The following UBASH3B variants were observed in gnomAD, a reference collection of about 807,000 sequenced individuals.
The protein encoded by UBASH3B is ubiquitin associated and SH3 domain containing B.
UBASH3B carries 37 observed loss-of-function variants against 83.4 expected under a neutral mutation model. The observed-to-expected ratio is 0.44, with a 90% CI of 0.34 to 0.58. The LOEUF (loss-of-function observed/expected upper bound fraction) is 0.58. Ranked by LOEUF, UBASH3B falls within the 20% of genes least tolerant of loss-of-function variation. The pLI is 0.01. For synonymous variants in UBASH3B, 304 were observed against 318.3 expected (o/e 0.96, Z 0.48); for missense variants, 657 against 827.2 (o/e 0.79, Z 2.52).
chr11:122,683,743 TTGTGTGTGTGTG>T (rs57305276), intron 1 of UBASH3B, among the ~76,000 whole-genome samples: 4 of 99,114 alleles, frequency 4.0e-5, no homozygotes, highest in Middle Eastern at 6.7e-3. Context: ...TAAAAAAAAA[TTGTGTGTGTGTG>T]TGTGTGTGTG....
At position 122,796,179 on chromosome 11, in the gene UBASH3B, C is replaced by T. The variant is rs750344631; in HGVS notation, c.1137C>T (p.Pro379=). 9.9e-6 allele frequency: 16 copies of T among 1,613,928 alleles called. No homozygotes were observed. Among genetic ancestry groups the T allele is most frequent in the Middle Eastern group, 1.6e-4 (1 of 6,084 alleles). The change falls in exon 8 of 14, where the codon CCC becomes CCT. Residue 379 remains proline, a synonymous_variant. Coordinates refer to ENST00000284273, the MANE Select transcript of UBASH3B (RefSeq NM_032873.5). The stretch of plus-strand genomic sequence containing the variant: ...AGCCGCTGAGGGTCAACAGCCAGCC[C>T]GGCCCCCAGAAGCGATGCCTTTTTG... ...PMQPLRVNSQ[P]GPQKRCLFVC...
chr11:122,733,849 C>T (rs1325777878), intron 1 of UBASH3B, among the ~76,000 whole-genome samples: 1 of 152,136 alleles, frequency 6.6e-6, no homozygotes, highest in Non-Finnish European at 1.5e-5. Context: ...GAATTTACAG[C>T]AGATTTGAGC....
intron 1 of UBASH3B, among the ~76,000 whole-genome samples, chr11:122,731,383 A>G (rs1395606147): frequency 6.6e-6 from 1 of 152,180 alleles, no homozygotes; most frequent in African/African-American, 2.4e-5. Context: ...ACTTAAATGG[A>G]GAACTTTACG....
chr11:122,684,128 G>A (rs1156390707), intron 1 of UBASH3B, among the ~76,000 whole-genome samples: 1 of 152,206 alleles, frequency 6.6e-6, no homozygotes, highest in Non-Finnish European at 1.5e-5. Context: ...CTGAAGAATA[G>A]AATGAGATGA....
At chr11:122,667,147 G>A (rs923831606) in intron 1 of UBASH3B, among the ~76,000 whole-genome samples, 3 of 147,214 alleles carry the variant, frequency 2.0e-5, no homozygotes, top group Non-Finnish European at 4.4e-5. Flanking sequence ...GGGTTCAAGC[G>A]ATTCTCCTGC....
chr11:122,672,248 T>C (rs1296503905), intron 1 of UBASH3B, among the ~76,000 whole-genome samples: 1 of 151,842 alleles, frequency 6.6e-6, no homozygotes, highest in Non-Finnish European at 1.5e-5. Context: ...TAATGTGGTA[T>C]GATGGAGAGG....
chr11:122,785,115 T>C (rs1051549783), intron 5 of UBASH3B, among the ~76,000 whole-genome samples: 1 of 152,162 alleles, frequency 6.6e-6, no homozygotes, highest in Non-Finnish European at 1.5e-5. Context: ...ACTCAAAGGG[T>C]AATTGCTTTT....
At chr11:122,678,268 T>C (rs573740245) in intron 1 of UBASH3B, among the ~76,000 whole-genome samples, 2 of 152,302 alleles carry the variant, frequency 1.3e-5, no homozygotes, top group East Asian at 3.9e-4. Flanking sequence ...TGTGACTGAA[T>C]GGTGGGAATT....
At chr11:122,790,991 A>C (rs975449282) in intron 6 of UBASH3B, among the ~76,000 whole-genome samples, 23 of 151,716 alleles carry the variant, frequency 1.5e-4, no homozygotes, top group African/African-American at 4.8e-4. Flanking sequence ...AGCAGTGCTG[A>C]TCTCTTAGAG....
In UBASH3B at chr11:122,759,767, C is replaced by T. The variant is rs1161572719; in HGVS notation, c.162-16452C>T. 6.6e-6 allele frequency among the ~76,000 whole-genome samples: 1 copy of T among 152,228 alleles called. No homozygotes were observed. Among genetic ancestry groups the T allele is most frequent in the Non-Finnish European group, 1.5e-5 (1 of 68,048 alleles). ...GAGGCAGAGCTCAGGCAGTAATGCT[C>T]ACTCGCCTGCCTGCCTGCTGTGCAG... On this transcript the variant is annotated intron_variant, in intron 1 of 13. Transcript: ENST00000284273. This position sits in a 1 kb window ranked among gnomAD's most constrained non-coding sequence, Gnocchi z 4.1.
rs1014828827 is a variant in UBASH3B at position 122,806,911 on chromosome 11, A to G, written c.1702+395A>G. 6.6e-6 allele frequency among the ~76,000 whole-genome samples: 1 copy of G among 152,192 alleles called. No homozygotes were observed. The highest frequency in any genetic ancestry group is 6.6e-5 in the Admixed American group (1 of 15,264). On this transcript the variant is annotated intron_variant, in intron 12 of 13. Coordinates refer to ENST00000284273, the MANE Select transcript of UBASH3B (RefSeq NM_032873.5). This position sits in a 1 kb window ranked among gnomAD's most constrained non-coding sequence, Gnocchi z 4.0. The stretch of plus-strand genomic sequence containing the variant: ...TACACCTTCCCTGCTATCACCAACC[A>G]AGAGCAGTGTTGTATAAGGCTCAAG...
intron 4 of UBASH3B, among the ~76,000 whole-genome samples, chr11:122,781,896 G>T (rs1272659702): frequency 6.6e-6 from 1 of 152,200 alleles, no homozygotes; most frequent in Non-Finnish European, 1.5e-5. Context: ...TTACACCAAA[G>T]AAAGGCAATG....
At chr11:122,667,566 T>C (rs1863536620) in intron 1 of UBASH3B, among the ~76,000 whole-genome samples, 1 of 152,046 alleles carries the variant, frequency 6.6e-6, no homozygotes, top group African/African-American at 2.4e-5. Context: ...GACACATCAG[T>C]GTGGGAGGGT....
chr11:122,780,474 G>A lies in UBASH3B; in HGVS notation c.601+779G>A, dbSNP rs867820222. 1.1e-4 allele frequency among the ~76,000 whole-genome samples: 16 copies of A among 152,356 alleles called. No homozygotes were observed. In the Middle Eastern group the frequency reaches 0.014, roughly 130 times the overall value. ...GGAAACAGACAGACAATCTGGTGGG[G>A]GGAGAGCCTCTTGGCTCGCTCCAGC... On this transcript the variant is annotated intron_variant, in intron 4 of 13. Transcript: ENST00000284273.
At position 122,777,052 on chromosome 11, in the gene UBASH3B, C is replaced by A. The variant is rs747187434; in HGVS notation, c.244C>A (p.Leu82Met). 1.9e-6 allele frequency: 3 copies of A among 1,612,628 alleles called. No individual in the cohort carries two copies. The Admixed American group carries it at 5.0e-5, about 27-fold the overall frequency. ...WLFSHVGDPF[L>M]DDPLPREYVL... ...ATTCTCCCATGTCGGTGACCCCTTCCTGGATGACCCCCTGCCCCGGGAGTA... is the reference window on the plus strand; with the variant it reads ...ATTCTCCCATGTCGGTGACCCCTTCATGGATGACCCCCTGCCCCGGGAGTA... Residue 82 changes from leucine (L) to methionine (M), a missense_variant, in exon 3 of 14, where the codon CTG (leucine) becomes ATG (methionine). Transcript: ENST00000284273.
chr11:122,750,721 T>C (rs1861186330), intron 1 of UBASH3B, among the ~76,000 whole-genome samples: 1 of 152,148 alleles, frequency 6.6e-6, no homozygotes, highest in African/African-American at 2.4e-5. Context: ...AGAGTGACGA[T>C]CCTGATTGCT....
chr11:122,747,845 G>A (rs1861143499), intron 1 of UBASH3B, among the ~76,000 whole-genome samples: 1 of 152,202 alleles, frequency 6.6e-6, no homozygotes, highest in South Asian at 2.1e-4. Flanking sequence ...TGTGACCTAA[G>A]ATCCATATAT....
intron 11 of UBASH3B, among the ~76,000 whole-genome samples, chr11:122,802,029 T>C (rs1861265944): frequency 6.6e-6 from 1 of 152,128 alleles, no homozygotes; most frequent in Admixed American, 6.5e-5. Flanking sequence ...TAAGAATTAA[T>C]AATAGGGCTG....
chr11:122,768,103 G>T (rs1472240156), intron 1 of UBASH3B, among the ~76,000 whole-genome samples: 1 of 152,112 alleles, frequency 6.6e-6, no homozygotes, highest in African/African-American at 2.4e-5. Context: ...TTGCTATCTG[G>T]GACGATTTTC....
Sources: allele counts gnomAD v4.1 joint callset (sites outside exome capture counted in the v4.1 genomes callset), GRCh38; gene constraint gnomAD v4.1.1; non-coding constraint Gnocchi (gnomAD v3.1); transcripts MANE v1.5; gene names NCBI Gene and HGNC (gene_info 2026-07-23, HGNC 2026-07-21).